PRLR: variants seen among roughly 807,000 people sequenced by gnomAD.
PRLR encodes hPRL receptor.
A neutral mutation model predicts 40.2 loss-of-function variants in PRLR; 13 were observed. The ratio of observed to expected loss-of-function variants is 0.32; its 90% CI spans 0.21 to 0.51. The LOEUF is 0.51. PRLR is among the 20% of genes least tolerant of loss of function. PRLR has a pLI of 0.97. For missense variants in PRLR, 656 were observed against 747.3 expected, an observed-to-expected ratio of 0.88 and a Z score of 1.42; for synonymous variants, 269 against 278.7, an observed-to-expected ratio of 0.97 and a Z score of 0.35.
At chr5:35,097,811 T>A (rs1225864676) in intron 2 of PRLR, among the ~76,000 whole-genome samples, 6 of 152,062 alleles carry the variant, frequency 3.9e-5, no homozygotes, top group Non-Finnish European at 8.8e-5. Flanking sequence ...AGATCATATG[T>A]GTCAAGATCT....
intron 1 of PRLR, among the ~76,000 whole-genome samples, chr5:35,168,553 TA>T (rs1774909366): frequency 6.6e-6 from 1 of 151,910 alleles, no homozygotes; most frequent in South Asian, 2.1e-4. Flanking sequence ...GACAAGTAAC[TA>T]AAATATCCCT....
chr5:35,168,766 TTG>T (rs76361890), intron 1 of PRLR, among the ~76,000 whole-genome samples: 6,134 of 152,272 alleles, frequency 0.04, 153 homozygotes, highest in Middle Eastern at 0.11. Flanking sequence ...TTTGAAGATC[TTG>T]TTTTATTTAT....
intron 1 of PRLR, among the ~76,000 whole-genome samples, chr5:35,156,132 A>AC (rs1175119588): frequency 6.7e-6 from 1 of 149,722 alleles, no homozygotes; most frequent in Non-Finnish European, 1.5e-5. Context: ...CAAGATAAAA[A>AC]AAAAAAACAA....
chr5:35,224,060 G>A (rs2111683860), intron 1 of PRLR, among the ~76,000 whole-genome samples: 1 of 152,314 alleles, frequency 6.6e-6, no homozygotes. Context: ...GAGGCCTGCA[G>A]GAAACCAGTG....
At chr5:35,211,961 G>A (rs1776178494) in intron 1 of PRLR, among the ~76,000 whole-genome samples, 1 of 152,114 alleles carries the variant, frequency 6.6e-6, no homozygotes, top group Non-Finnish European at 1.5e-5. Flanking sequence ...ATTGTCTATG[G>A]CTGCTTTTGT....
At chr5:35,159,126 G>A (rs1362120996) in intron 1 of PRLR, among the ~76,000 whole-genome samples, 2 of 151,970 alleles carry the variant, frequency 1.3e-5, no homozygotes, top group African/African-American at 4.8e-5. Flanking sequence ...AAAGCAATAC[G>A]AATCAGGGTT....
rs1262171476 is a variant in PRLR, at chr5:35,057,589, C to T, written c.*7500G>A. On this transcript the variant is annotated 3_prime_UTR_variant, in exon 10 of 10. Coordinates refer to ENST00000618457, the MANE Select transcript of PRLR (RefSeq NM_000949.7). ...ATAGCAGTTAGTGTTATCTCCAATA[C>T]TATTGACAAAGATTTAACTACCCAT... The T allele has an allele frequency of 6.6e-6, 1 of 152,028 alleles. No individual in the cohort carries two copies. Among genetic ancestry groups the T allele is most frequent in the Non-Finnish European group, 1.5e-5 (1 of 67,980 alleles). The allele number at this position is 152,028 out of a possible 1,614,324, so 9.4% of individuals were successfully genotyped here. A position where few individuals can be genotyped will look rare whatever the true frequency, so the allele number is the denominator to read the frequency against.
rs1410334963 is a variant in PRLR, at chr5:35,058,589, C to T, written c.*6500G>A. 2 of 152,172 alleles carry T rather than the reference C, an allele frequency of 1.3e-5. No individual in the cohort carries two copies. Among genetic ancestry groups the T allele is most frequent in the African/African-American group, 2.4e-5 (1 of 41,442 alleles). 9.4% of individuals were successfully genotyped at this position (152,172 alleles called of 1,614,324 possible). ...GATTAGGAAAAAATTAGTACATTCA[C>T]GCTTTCAACAGAAATACATTACATA... On this transcript the variant is annotated 3_prime_UTR_variant, in exon 10 of 10. Coordinates refer to ENST00000618457, the MANE Select transcript of PRLR (RefSeq NM_000949.7).
chr5:35,184,526 A>G (rs1220500493), intron 1 of PRLR, among the ~76,000 whole-genome samples: 1 of 152,172 alleles, frequency 6.6e-6, no homozygotes, highest in East Asian at 1.9e-4. Flanking sequence ...TATAAAACAA[A>G]AGAAAGAAAC....
intron 2 of PRLR, among the ~76,000 whole-genome samples, chr5:35,117,281 A>C (rs1170915863): frequency 6.6e-6 from 1 of 152,178 alleles, no homozygotes; most frequent in African/African-American, 2.4e-5. Flanking sequence ...AGATGGCCCC[A>C]AGAAGTCCCA....
chr5:35,100,111 G>C (rs1369301006), intron 2 of PRLR, among the ~76,000 whole-genome samples: 1 of 150,816 alleles, frequency 6.6e-6, no homozygotes, highest in African/African-American at 2.4e-5. Context: ...CTGGGAGGCG[G>C]AGTTTGCAGT....
At chr5:35,142,969 G>A (rs148924230) in intron 1 of PRLR, among the ~76,000 whole-genome samples, 196 of 152,348 alleles carry the variant, frequency 1.3e-3, no homozygotes, top group African/African-American at 4.3e-3. Flanking sequence ...TTCATGCAAA[G>A]TACTTGAGTG....
Position 35,062,108 on chromosome 5 carries a change from C to A in PRLR, c.*2981G>T, listed in dbSNP as rs141391295. On this transcript the variant is annotated 3_prime_UTR_variant, in exon 10 of 10. Transcript: ENST00000618457. ...ATATATTAAGACCAACTGGAATGGA[C>A]GGTTTAAAAAGCAAAGTATAAAGAG... 2 of 151,982 alleles carry A rather than the reference C, an allele frequency of 1.3e-5. No homozygotes were observed. Among genetic ancestry groups the A allele is most frequent in the African/African-American group, 4.8e-5 (2 of 41,364 alleles). The allele number at this position is 151,982 out of a possible 1,614,324, so 9.4% of individuals were successfully genotyped here. A position where few individuals can be genotyped will look rare whatever the true frequency, so the allele number is the denominator to read the frequency against.
chr5:35,094,787 C>T (rs1771430825), intron 2 of PRLR, among the ~76,000 whole-genome samples: 1 of 151,558 alleles, frequency 6.6e-6, no homozygotes, highest in African/African-American at 2.4e-5. Flanking sequence ...AGGGAGAAAA[C>T]CTCACATCAG....
At chr5:35,223,104 CGAGGAAT>C (rs1263601379) in intron 1 of PRLR, among the ~76,000 whole-genome samples, 3 of 152,174 alleles carry the variant, frequency 2.0e-5, no homozygotes, top group Admixed American at 6.5e-5. Context: ...AGAATCACCA[CGAGGAAT>C]TATCTGTGAA....
At chr5:35,095,927 C>T (rs1224196075) in intron 2 of PRLR, among the ~76,000 whole-genome samples, 1 of 152,164 alleles carries the variant, frequency 6.6e-6, no homozygotes, top group Non-Finnish European at 1.5e-5. Flanking sequence ...CAGATATTCC[C>T]CTGCCCCTCT....
rs1775727707 is a variant in PRLR at position 35,196,069 on chromosome 5, TAAAATAAAATAA to T, written c.-106+34187_-106+34198del. Among the ~76,000 whole-genome samples, 5 of 4,930 alleles carry T rather than the reference TAAAATAAAATAA, an allele frequency of 1.0e-3. No individual in the cohort carries two copies. In the South Asian group the frequency reaches 0.02, roughly 19 times the overall value. The allele number at this position is 4,930 out of a possible 152,430, so 3.2% of individuals were successfully genotyped here. A position where few individuals can be genotyped will look rare whatever the true frequency, so the allele number is the denominator to read the frequency against. ...TAAAATAAAATAAAATAAAATAAAA[TAAAATAAAATAA>T]AATAAAATAAAATAAAATAAAATAA... On this transcript the variant is annotated intron_variant, in intron 1 of 9. Coordinates refer to ENST00000618457, the MANE Select transcript of PRLR (RefSeq NM_000949.7).
intron 2 of PRLR, among the ~76,000 whole-genome samples, chr5:35,093,550 A>G (rs1458355319): frequency 6.6e-6 from 1 of 152,196 alleles, no homozygotes; most frequent in Non-Finnish European, 1.5e-5. Context: ...TCCTAACTCC[A>G]GAAATGGACC....
rs1768838677 is a variant in PRLR at position 35,058,373 on chromosome 5, C to G, written c.*6716G>C. ...GCTTTGGTTTCCACATGAGACTTTT[C>G]AATTGTTTAAAATGAACGATGAAGC... On this transcript the variant is annotated 3_prime_UTR_variant, in exon 10 of 10. Transcript: ENST00000618457. The G allele has an allele frequency of 6.6e-6, 1 of 152,160 alleles. No homozygotes were observed. 9.4% of individuals were successfully genotyped at this position (152,160 alleles called of 1,614,324 possible).
Sources: gnomAD v4.1 joint callset for allele counts (sites outside exome capture counted in the v4.1 genomes callset) on GRCh38, gnomAD v4.1.1 for gene constraint, MANE v1.5 for transcripts, NCBI Gene and HGNC (gene_info 2026-07-23, HGNC 2026-07-21) for gene names.